The following GPR107 variants were observed in gnomAD, a reference collection of about 807,000 sequenced individuals.
GPR107 encodes the protein G protein-coupled receptor 107, also known as protein GPR107.
A neutral mutation model predicts 75.5 loss-of-function variants in GPR107; 31 were observed. That is an observed-to-expected ratio of 0.41 (90% CI 0.31 to 0.55). The LOEUF (loss-of-function observed/expected upper bound fraction) is 0.55, where lower values mean the gene tolerates loss of function less well. Among genes scored for constraint, GPR107 ranks in the 20% least tolerant of loss-of-function variants. The pLI, the probability that GPR107 is intolerant of heterozygous loss-of-function variation, is 0.26. For missense variants in GPR107, 572 were observed against 665.7 expected (o/e 0.86, Z 1.55); for synonymous variants, 267 against 251.3 (o/e 1.06, Z -0.59).
rs139908046 is a variant in GPR107, at chr9:130,123,800, G to A, written c.1307-1115G>A. Among the ~76,000 whole-genome samples the A allele has an allele frequency of 4.8e-3, 730 of 152,224 alleles. 3 individuals carry two copies. The highest frequency in any genetic ancestry group is 8.0e-3 in the Admixed American group (123 of 15,284). On this transcript the variant is annotated intron_variant, in intron 14 of 17. Transcript: ENST00000347136. ...GGTATGAGCCACTGCACCTGGCCAA[G>A]ATTTAATTTTTTCAAAATAACAAGA...
chr9:130,084,045 A>AAAAT (rs1830553746), intron 6 of GPR107, among the ~76,000 whole-genome samples: 2 of 14,388 alleles, frequency 1.4e-4, no homozygotes, highest in South Asian at 7.4e-3. Flanking sequence ...ACAGAGAGCT[A>AAAAT]ACATATATAT....
At chr9:130,055,963 A>AAATG (rs754976373) in intron 1 of GPR107, among the ~76,000 whole-genome samples, 1 of 151,968 alleles carries the variant, frequency 6.6e-6, no homozygotes, top group Non-Finnish European at 1.5e-5. Flanking sequence ...ATAAATAAAT[A>AAATG]AATAAATAAA....
intron 5 of GPR107, 35 bp from the exon 6 acceptor site, chr9:130,083,530 A>G (rs748406688): frequency 1.4e-6 from 2 of 1,421,238 alleles, no homozygotes; most frequent in South Asian, 1.4e-5. Flanking sequence ...AAGTTGAGTC[A>G]TGCAGCACTC....
intron 6 of GPR107, among the ~76,000 whole-genome samples, chr9:130,085,809 G>A (rs1179777557): frequency 7.9e-6 from 1 of 126,388 alleles, no homozygotes; most frequent in African/African-American, 3.0e-5. Context: ...CACCCAGGCT[G>A]GAGTGCAGTG....
At chr9:130,076,587 T>C in intron 3 of GPR107, 125 bp downstream of exon 3, 1 of 698,842 alleles carries the variant, frequency 1.4e-6, no homozygotes, top group African/African-American at 1.8e-5. Context: ...CAATCATAGC[T>C]CACTGCAACC....
chr9:130,068,153 T>C (rs564073054), intron 1 of GPR107, among the ~76,000 whole-genome samples: 89 of 152,250 alleles, frequency 5.8e-4, no homozygotes, highest in African/African-American at 2.1e-3. Flanking sequence ...GATTTTTGTT[T>C]TGATCAGTGG....
At position 130,135,317 on chromosome 9, in the gene GPR107, G is replaced by C; in HGVS notation, c.*196G>C. 1 of 490,824 alleles carries C rather than the reference G, an allele frequency of 2.0e-6. No homozygotes were observed. The allele number at this position is 490,824 out of a possible 1,614,324, so 30.4% of individuals were successfully genotyped here. ...TGGAAACGATCTGTGGCTGTTTAGA[G>C]GCAGCTGGATCCTCTTTCAGGCGGG... On this transcript the variant is annotated 3_prime_UTR_variant, in exon 18 of 18. Coordinates refer to ENST00000347136, the MANE Select transcript of GPR107 (RefSeq NM_020960.5).
At chr9:130,091,656 G>A (rs957443620) in intron 8 of GPR107, among the ~76,000 whole-genome samples, 1 of 151,166 alleles carries the variant, frequency 6.6e-6, no homozygotes, top group East Asian at 1.9e-4. Context: ...AGCCTCCTGA[G>A]TAGCTGGGAT....
chr9:130,089,495 G>T (rs769904557), intron 7 of GPR107, among the ~76,000 whole-genome samples: 1 of 152,160 alleles, frequency 6.6e-6, no homozygotes, highest in South Asian at 2.1e-4. Context: ...CATTCATGGC[G>T]TGGGGATAGT....
intron 17 of GPR107, among the ~76,000 whole-genome samples, chr9:130,130,910 C>T (rs1050314198): frequency 2.0e-5 from 3 of 148,848 alleles, no homozygotes; most frequent in Non-Finnish European, 4.4e-5. Flanking sequence ...AATCCGTGGA[C>T]CACTTAGGCC....
chr9:130,066,973 G>A (rs1356852187), intron 1 of GPR107, among the ~76,000 whole-genome samples: 3 of 151,266 alleles, frequency 2.0e-5, no homozygotes, highest in South Asian at 2.1e-4. Context: ...GCGACAGAGC[G>A]AGACTCCGTC....
chr9:130,063,516 A>C (rs966923386), intron 1 of GPR107, among the ~76,000 whole-genome samples: 1 of 151,908 alleles, frequency 6.6e-6, no homozygotes. Context: ...ATTATTTAAA[A>C]TTTTTTTCAG....
At chr9:130,065,437 C>G (rs954852035) in intron 1 of GPR107, among the ~76,000 whole-genome samples, 1 of 149,980 alleles carries the variant, frequency 6.7e-6, no homozygotes, top group African/African-American at 2.5e-5. Context: ...AACTCCATCT[C>G]AAAAACATAA....
chr9:130,111,650 G>T (rs1346933721), intron 14 of GPR107, among the ~76,000 whole-genome samples: 1 of 151,436 alleles, frequency 6.6e-6, no homozygotes, highest in African/African-American at 2.4e-5. Flanking sequence ...TCCTGCATTG[G>T]GGTGAATACA....
intron 1 of GPR107, among the ~76,000 whole-genome samples, chr9:130,062,784 A>G (rs542763615): frequency 1.7e-4 from 26 of 150,824 alleles, no homozygotes; most frequent in African/African-American, 6.1e-4. Flanking sequence ...CAGTGGTGCA[A>G]TCATAGCTCA....
chr9:130,061,235 T>A (rs1232641397), intron 1 of GPR107, among the ~76,000 whole-genome samples: 2 of 152,180 alleles, frequency 1.3e-5, no homozygotes, highest in Non-Finnish European at 2.9e-5. Flanking sequence ...AGCTAGCTTC[T>A]AAACACCTGA....
intron 16 of GPR107, 36 bp from the exon 17 acceptor site, chr9:130,128,604 A>G: frequency 6.4e-7 from 1 of 1,572,254 alleles, no homozygotes. Context: ...CAGTGTTGCT[A>G]ATCTCTTTAT....
intron 4 of GPR107, among the ~76,000 whole-genome samples, 189 bp downstream of exon 4, chr9:130,077,567 C>T (rs1315029484): frequency 1.3e-5 from 2 of 152,136 alleles, no homozygotes; most frequent in Non-Finnish European, 2.9e-5. Flanking sequence ...TACACATGAT[C>T]ACCGCCAAAC....
chr9:130,111,136 T>C (rs924099355), intron 14 of GPR107, among the ~76,000 whole-genome samples: 1 of 152,004 alleles, frequency 6.6e-6, no homozygotes, highest in African/African-American at 2.4e-5. Context: ...GCATTACAGG[T>C]GTGAGCCACT....
Sources: gnomAD v4.1 joint callset for allele counts (sites outside exome capture counted in the v4.1 genomes callset) on GRCh38, gnomAD v4.1.1 for gene constraint, MANE v1.5 for transcripts, NCBI Gene and HGNC (gene_info 2026-07-23, HGNC 2026-07-21) for gene names.